Variants in SLC25A40 observed in about 807,000 individuals in gnomAD.
The protein encoded by SLC25A40 is solute carrier family 25 member 40, also known as mitochondrial glutathione transporter SLC25A40.
Under a neutral mutation model 46.5 loss-of-function variants are expected in SLC25A40, and 41 were observed. That is an observed-to-expected ratio of 0.88 (90% CI 0.69 to 1.14). The LOEUF (loss-of-function observed/expected upper bound fraction) is 1.14. SLC25A40 is among the 50% of genes most tolerant of loss of function. The pLI, the probability that SLC25A40 is intolerant of heterozygous loss-of-function variation, is 0.00. For synonymous variants in SLC25A40, 126 were observed against 127.5 expected, an observed-to-expected ratio of 0.99 and a Z score of 0.08; for missense variants, 386 against 393.6, an observed-to-expected ratio of 0.98 and a Z score of 0.16.
At chr7:87,869,822 A>G (rs961768264) in intron 1 of SLC25A40, among the ~76,000 whole-genome samples, 2 of 152,248 alleles carry the variant, frequency 1.3e-5, no homozygotes, top group African/African-American at 4.8e-5. Context: ...ATACATAAGT[A>G]GAATAGCTGG....
chr7:87,850,438 T>A (rs543044968), intron 5 of SLC25A40, among the ~76,000 whole-genome samples: 1 of 152,250 alleles, frequency 6.6e-6, no homozygotes, highest in South Asian at 2.1e-4. Context: ...GATTTGAATA[T>A]ATATTTCTCC....
chr7:87,873,451 G>A (rs78697196), intron 1 of SLC25A40, among the ~76,000 whole-genome samples: 4 of 37,330 alleles, frequency 1.1e-4, no homozygotes, highest in Non-Finnish European at 2.0e-4. Context: ...TTTTTTTTTT[G>A]AGAGGGAGTC....
At chr7:87,875,970 G>C (rs1839003642) in intron 1 of SLC25A40, 126 bp downstream of exon 1, 1 of 152,348 alleles carries the variant, frequency 6.6e-6, no homozygotes, top group Non-Finnish European at 1.5e-5. Context: ...AGGGGCTGCG[G>C]CTGCCGCCGC....
rs1438255265 is a variant in SLC25A40 at position 87,836,102 on chromosome 7, T to C, written c.*147A>G. 2.0e-6 allele frequency: 1 copy of C among 504,328 alleles called. No homozygotes were observed. Among genetic ancestry groups the C allele is most frequent in the East Asian group, 3.6e-5 (1 of 27,662 alleles). 31.2% of individuals were successfully genotyped at this position (504,328 alleles called of 1,614,324 possible). A position where few individuals can be genotyped will look rare whatever the true frequency, so the allele number is the denominator to read the frequency against. ...GATAAAATTTATTTTAAAATTATGA[T>C]TTAGAGGTAGAGCTGAAATTATTTA... On this transcript the variant is annotated 3_prime_UTR_variant, in exon 12 of 12. Transcript: ENST00000341119.
chr7:87,858,511 C>T, intron 3 of SLC25A40, 120 bp downstream of exon 3: 1 of 635,248 alleles, frequency 1.6e-6, no homozygotes. Context: ...CTTTATTTCT[C>T]AGCCAGCCAA....
rs568396011 is a variant in SLC25A40 at position 87,854,193 on chromosome 7, A to C, written c.264+11T>G. 10 of 1,531,238 alleles carry C rather than the reference A, an allele frequency of 6.5e-6. No individual in the cohort carries two copies. In the South Asian group the frequency reaches 1.1e-4, roughly 17 times the overall value. The allele number at this position is 1,531,238 out of a possible 1,614,324, so 94.9% of individuals were successfully genotyped here. On this transcript the variant is annotated intron_variant, in intron 5 of 11. Coordinates refer to ENST00000341119, the MANE Select transcript of SLC25A40 (RefSeq NM_018843.4). ...AATATACTGTGATTCTAAGGAATAT[A>C]ATCACCTTACCAATGTTCCCTGGAA... is the stretch of plus-strand genomic sequence containing the variant.
intron 1 of SLC25A40, among the ~76,000 whole-genome samples, chr7:87,868,842 C>T (rs1436738067): frequency 6.6e-6 from 1 of 152,174 alleles, no homozygotes; most frequent in Non-Finnish European, 1.5e-5. Context: ...TAGTGATCAA[C>T]TTGACCTTCA....
At chr7:87,866,601 G>A (rs1040982349) in intron 1 of SLC25A40, among the ~76,000 whole-genome samples, 1 of 152,288 alleles carries the variant, frequency 6.6e-6, no homozygotes, top group East Asian at 1.9e-4. Context: ...GAGGAGAAAC[G>A]TCTCCTTATT....
rs1177995092 is a variant in SLC25A40, at chr7:87,836,312, G to A, written c.954C>T (p.Ile318=). ...IKIAPACAIM[I]STYEFGKAFF... ...AAGCCTTTCCAAATTCATATGTACT[G>A]ATCATAATGGCACAAGCAGGAGCAA... is the stretch of plus-strand genomic sequence containing the variant. Residue 318 remains isoleucine, a synonymous_variant, in exon 12 of 12, where the codon ATC becomes ATT. Transcript: ENST00000341119. 1.3e-6 allele frequency: 2 copies of A among 1,571,788 alleles called. No homozygotes were observed. Among genetic ancestry groups the A allele is most frequent in the Non-Finnish European group, 1.7e-6 (2 of 1,162,962 alleles).
chr7:87,869,379 T>A (rs893297262), intron 1 of SLC25A40, among the ~76,000 whole-genome samples: 5 of 152,066 alleles, frequency 3.3e-5, no homozygotes, highest in African/African-American at 1.2e-4. Flanking sequence ...ATACAAAAAA[T>A]GAGCTAGGTG....
rs202231811 is a variant in SLC25A40 at position 87,875,750 on chromosome 7, T to C, written c.-94+346A>G. On this transcript the variant is annotated intron_variant, in intron 1 of 11. Transcript: ENST00000341119. ...ATAAAAGTCAACAGGACAGCGCAAA[T>C]AGCCAACTACCCAAGGACACAAAGT... is the stretch of plus-strand genomic sequence containing the variant. Among the ~76,000 whole-genome samples, 4 of 152,064 alleles carry C rather than the reference T, an allele frequency of 2.6e-5. No individual in the cohort carries two copies. The East Asian group carries it at 5.8e-4, about 22-fold the overall frequency.
chr7:87,851,463 G>A (rs1186598226), intron 5 of SLC25A40, among the ~76,000 whole-genome samples: 1 of 152,106 alleles, frequency 6.6e-6, no homozygotes, highest in Non-Finnish European at 1.5e-5. Flanking sequence ...CAAGTAGGTA[G>A]CCTAGACTTC....
intron 8 of SLC25A40, 118 bp from the exon 9 acceptor site, chr7:87,843,981 C>T: frequency 7.4e-7 from 1 of 1,345,436 alleles, no homozygotes; most frequent in African/African-American, 1.5e-5. Context: ...ACATACCTTG[C>T]TTTCTACTTA....
chr7:87,851,066 G>A (rs1171539610), intron 5 of SLC25A40, among the ~76,000 whole-genome samples: 1 of 152,080 alleles, frequency 6.6e-6, no homozygotes, highest in African/African-American at 2.4e-5. Context: ...CATTCTGAGG[G>A]AAATTAAAAC....
At chr7:87,850,775 A>G (rs1308712135) in intron 5 of SLC25A40, among the ~76,000 whole-genome samples, 1 of 152,154 alleles carries the variant, frequency 6.6e-6, no homozygotes, top group Non-Finnish European at 1.5e-5. Flanking sequence ...TCTCAAAAAA[A>G]AAAAAGAAAA....
chr7:87,867,592 G>T (rs1838823843), intron 1 of SLC25A40, among the ~76,000 whole-genome samples: 1 of 152,242 alleles, frequency 6.6e-6, no homozygotes, highest in East Asian at 1.9e-4. Context: ...TCAGTCATTG[G>T]AGTTTTGCTA....
chr7:87,836,166 G>C lies in SLC25A40; in HGVS notation c.*83C>G, dbSNP rs2130992819. 4 of 740,752 alleles carry C rather than the reference G, an allele frequency of 5.4e-6. No homozygotes were observed. The highest frequency in any genetic ancestry group is 8.9e-6 in the Non-Finnish European group (4 of 448,998). The allele number at this position is 740,752 out of a possible 1,614,324, so 45.9% of individuals were successfully genotyped here. On this transcript the variant is annotated 3_prime_UTR_variant, in exon 12 of 12. Transcript: ENST00000341119. ...AAAGAAAGACATAAAATCATTGTGA[G>C]AGAATAATGGTGAAAAACATTCTTG...
chr7:87,859,362 A>G (rs1357831889), intron 2 of SLC25A40, among the ~76,000 whole-genome samples: 2 of 152,176 alleles, frequency 1.3e-5, no homozygotes. Flanking sequence ...GAATGGCGTG[A>G]ACCCAGGAGG....
intron 1 of SLC25A40, among the ~76,000 whole-genome samples, chr7:87,875,850 C>T (rs1482003085): frequency 6.6e-6 from 1 of 152,210 alleles, no homozygotes; most frequent in Non-Finnish European, 1.5e-5. Flanking sequence ...CAGACGCCCC[C>T]CGGGGCCGCC....
Sources: gnomAD v4.1 joint callset for allele counts (sites outside exome capture counted in the v4.1 genomes callset) on GRCh38, gnomAD v4.1.1 for gene constraint, MANE v1.5 for transcripts, NCBI Gene and HGNC (gene_info 2026-07-23, HGNC 2026-07-21) for gene names.